The following CTNNAL1 variants were observed in gnomAD, a reference collection of about 807,000 sequenced individuals.
The protein encoded by CTNNAL1 is catenin alpha like 1.
CTNNAL1 carries 69 observed loss-of-function variants against 93.6 expected under a neutral mutation model. The observed-to-expected ratio is 0.74, with a 90% CI of 0.61 to 0.90. The LOEUF is 0.90. Ranked by LOEUF, CTNNAL1 falls within the 40% of genes least tolerant of loss-of-function variation. CTNNAL1 has a pLI of 0.00. For missense variants in CTNNAL1, 836 were observed against 862.0 expected, an observed-to-expected ratio of 0.97 and a Z score of 0.38; for synonymous variants, 286 against 305.4, an observed-to-expected ratio of 0.94 and a Z score of 0.66.
intron 8 of CTNNAL1, 35 bp from the exon 9 acceptor site, chr9:108,972,868 G>GCCCCCCCCCCCGGGT: frequency 9.2e-7 from 1 of 1,092,792 alleles, no homozygotes. Flanking sequence ...GGGTGGGAGG[G>GCCCCCCCCCCCGGGT]TGGAGAAGGA....
At chr9:108,984,569 A>G (rs1831543706) in intron 4 of CTNNAL1, 133 bp from the exon 5 acceptor site, 1 of 559,818 alleles carries the variant, frequency 1.8e-6, no homozygotes. Flanking sequence ...AAAAACCAGG[A>G]TAAAGTTTTA....
chr9:109,012,745 G>A (rs11789611), intron 1 of CTNNAL1, among the ~76,000 whole-genome samples: 19,491 of 152,214 alleles, frequency 0.13, 1,469 homozygotes, highest in African/African-American at 0.18. Context: ...GGGTGGCCGG[G>A]ATGAATGGGA....
rs770132459 is a variant in CTNNAL1, at chr9:108,983,128, ACT to A, written c.900+15_900+16del. The A allele has an allele frequency of 2.8e-6, 4 of 1,407,390 alleles. No individual in the cohort carries two copies. Among genetic ancestry groups the A allele is most frequent in the Non-Finnish European group, 3.7e-6 (4 of 1,075,596 alleles). The allele number at this position is 1,407,390 out of a possible 1,614,324, so 87.2% of individuals were successfully genotyped here. On this transcript the variant is annotated intron_variant, in intron 6 of 18. Coordinates refer to ENST00000325551, the MANE Select transcript of CTNNAL1 (RefSeq NM_003798.4). ...AATAAGAAGAGAAAAATAAAAATAT[ACT>A]CTCTTTATTCTTACCTTGAATTCCT...
At chr9:108,943,524 G>A (rs2132073255) in intron 17 of CTNNAL1, among the ~76,000 whole-genome samples, 179 bp downstream of exon 17, 1 of 152,228 alleles carries the variant, frequency 6.6e-6, no homozygotes, top group South Asian at 2.1e-4. Flanking sequence ...ACTTTATTTG[G>A]TGAATCTGCT....
chr9:108,986,560 G>C (rs1446244787), intron 4 of CTNNAL1, among the ~76,000 whole-genome samples: 3 of 151,830 alleles, frequency 2.0e-5, no homozygotes, highest in African/African-American at 7.3e-5. Context: ...GGATGGCTGG[G>C]TCAAATGGTA....
chr9:109,006,461 C>T (rs947711323), intron 1 of CTNNAL1, among the ~76,000 whole-genome samples: 1 of 152,164 alleles, frequency 6.6e-6, no homozygotes, highest in Non-Finnish European at 1.5e-5. Flanking sequence ...ATCACTACAC[C>T]GTCTCTCTTA....
At chr9:108,978,752 G>A (rs1587967951) in intron 7 of CTNNAL1, among the ~76,000 whole-genome samples, 1 of 152,202 alleles carries the variant, frequency 6.6e-6, no homozygotes, top group Admixed American at 6.5e-5. Context: ...CCAGGAATTT[G>A]TGCAAGGGTG....
chr9:108,951,103 C>T (rs528838120), intron 14 of CTNNAL1, among the ~76,000 whole-genome samples: 10 of 152,016 alleles, frequency 6.6e-5, no homozygotes, highest in South Asian at 2.1e-4. Context: ...CTCCACCTCC[C>T]GGTTTCACGC....
At chr9:109,002,827 A>C (rs1437204112) in intron 1 of CTNNAL1, among the ~76,000 whole-genome samples, 1 of 150,794 alleles carries the variant, frequency 6.6e-6, no homozygotes, top group East Asian at 2.0e-4. Flanking sequence ...CCACTAAAAA[A>C]AAAAAAAAGA....
chr9:108,987,505 A>G (rs546370061), intron 4 of CTNNAL1, among the ~76,000 whole-genome samples: 2,739 of 151,974 alleles, frequency 0.018, 82 homozygotes, highest in African/African-American at 0.064. Context: ...TTGACTTGGC[A>G]ATGCGGGCTC....
At position 108,943,968 on chromosome 9, in the gene CTNNAL1, T is replaced by C; in HGVS notation, c.1935A>G (p.Ser645=). ...LKLTSSVQAF[S]KQLKDDDKLM... ...GTAGGTAGACATGTGTTACCTGTTT[T>C]GAAAAAGCTTGAACACTGGAAGTAA... The change falls in exon 16 of 19, where the codon TCA becomes TCG. Residue 645 remains serine, a synonymous_variant. Transcript: ENST00000325551. 6.2e-7 allele frequency: 1 copy of C among 1,613,284 alleles called. No homozygotes were observed. The highest frequency in any genetic ancestry group is 8.5e-7 in the Non-Finnish European group (1 of 1,179,748).
chr9:108,998,852 A>G lies in CTNNAL1; in HGVS notation c.331+215T>C, dbSNP rs573238635. ...CAATGGCTGATGAGGATGGCCGATC[A>G]CTAACTCTGACCAGTGAAGGAGTCC... On this transcript the variant is annotated intron_variant, in intron 2 of 18. Transcript: ENST00000325551. 3.9e-4 allele frequency among the ~76,000 whole-genome samples: 59 copies of G among 152,322 alleles called. 1 individual carries two copies. The highest frequency in any genetic ancestry group is 1.3e-3 in the African/African-American group (56 of 41,570).
At chr9:109,007,694 T>A (rs1827074887) in intron 1 of CTNNAL1, among the ~76,000 whole-genome samples, 3 of 152,252 alleles carry the variant, frequency 2.0e-5, no homozygotes, top group South Asian at 4.1e-4. Context: ...AACATATGAG[T>A]ATATATAACA....
chr9:108,993,183 GC>G (rs1174047170), intron 2 of CTNNAL1, among the ~76,000 whole-genome samples: 1 of 152,172 alleles, frequency 6.6e-6, no homozygotes, highest in Non-Finnish European at 1.5e-5. Context: ...CGAGCAGTAA[GC>G]AGGTGCCAAG....
At position 108,972,851 on chromosome 9, in the gene CTNNAL1, GGT is replaced by G; in HGVS notation, c.1189-20_1189-19del. On this transcript the variant is annotated intron_variant, in intron 8 of 18. Coordinates refer to ENST00000325551, the MANE Select transcript of CTNNAL1 (RefSeq NM_003798.4). The stretch of plus-strand genomic sequence containing the variant: ...CTATGAAGCTGCAGATGTGTGTGTG[GGT>G]GGGGGGGTGGGAGGGTGGAGAAGGA... 7.2e-7 allele frequency: 1 copy of G among 1,380,124 alleles called. No homozygotes were observed. The highest frequency in any genetic ancestry group is 1.4e-5 in the South Asian group (1 of 70,378). The allele number at this position is 1,380,124 out of a possible 1,614,324, so 85.5% of individuals were successfully genotyped here.
chr9:108,970,493 G>A lies in CTNNAL1; in HGVS notation c.1349C>T (p.Thr450Ile), dbSNP rs766335097. 2.5e-6 allele frequency: 4 copies of A among 1,609,314 alleles called. No homozygotes were observed. The highest frequency in any genetic ancestry group is 2.5e-6 in the Non-Finnish European group (3 of 1,177,984). The change falls in exon 10 of 19, where the codon ACC becomes ATC. Residue 450 changes from threonine (T) to isoleucine (I), a missense_variant and splice_region_variant. Physicochemically the swap from Thr to Ile is moderately conservative, Grantham distance 89. Transcript: ENST00000325551. ...LSEQKEQLVE[T>I]CRLLRHISGT... Reference sequence around the variant, plus strand: ...AGATATGTGTCGTAACAATCGACAGGTCTACAAGACAATATGTCTACAGTT... The same window carrying A: ...AGATATGTGTCGTAACAATCGACAGATCTACAAGACAATATGTCTACAGTT...
Position 108,986,750 on chromosome 9 carries a change from G to A in CTNNAL1, c.640-2314C>T, listed in dbSNP as rs1463780281. Among the ~76,000 whole-genome samples, 11 of 149,478 alleles carry A rather than the reference G, an allele frequency of 7.4e-5. No homozygotes were observed. The South Asian group carries it at 2.2e-3, about 29-fold the overall frequency. ...TGGTGTGAGATGGTATCTCATTGTG[G>A]TTTTGATTTGCATTTCTCTGATGGC... On this transcript the variant is annotated intron_variant, in intron 4 of 18. Transcript: ENST00000325551.
At chr9:108,986,554 G>A (rs912669016) in intron 4 of CTNNAL1, among the ~76,000 whole-genome samples, 28 of 151,926 alleles carry the variant, frequency 1.8e-4, no homozygotes, top group Admixed American at 1.6e-3. Context: ...GTAATGGGAT[G>A]GCTGGGTCAA....
intron 12 of CTNNAL1, 87 bp from the exon 13 acceptor site, chr9:108,952,581 G>C: frequency 6.6e-7 from 1 of 1,519,162 alleles, no homozygotes. Flanking sequence ...GCATAACAAA[G>C]TACTTGTAAC....
Sources: allele counts gnomAD v4.1 joint callset (sites outside exome capture counted in the v4.1 genomes callset), GRCh38; gene constraint gnomAD v4.1.1; transcripts MANE v1.5; gene names NCBI Gene and HGNC (gene_info 2026-07-23, HGNC 2026-07-21).